Variants in FNDC1 observed in about 807,000 individuals in gnomAD.
FNDC1 encodes fibronectin type III domain containing 1, also known as fibronectin type III domain-containing protein 1.
Under a neutral mutation model 168.0 loss-of-function variants are expected in FNDC1, and 96 were observed. The ratio of observed to expected loss-of-function variants is 0.57; its 90% confidence interval spans 0.48 to 0.68. FNDC1 has a LOEUF of 0.68. Among genes scored for constraint, FNDC1 ranks in the 30% least tolerant of loss-of-function variants. The pLI, the probability that FNDC1 is intolerant of heterozygous loss-of-function variation, is 0.00. For synonymous variants in FNDC1, 1,099 were observed against 1,025.9 expected (o/e 1.07, Z -1.36); for missense variants, 2,587 against 2,482.1 (o/e 1.04, Z -0.90).
intron 5 of FNDC1, among the ~76,000 whole-genome samples, chr6:159,217,746 G>A (rs1477152657): frequency 1.3e-5 from 2 of 152,168 alleles, no homozygotes; most frequent in Non-Finnish European, 2.9e-5. Context: ...CCAGCCCAGC[G>A]TATGGACTCC....
chr6:159,211,550 A>C (rs896892847), intron 4 of FNDC1, among the ~76,000 whole-genome samples: 2 of 152,062 alleles, frequency 1.3e-5, no homozygotes, highest in Non-Finnish European at 2.9e-5. Flanking sequence ...TTTTGCTCAC[A>C]TTTGGTTCTT....
chr6:159,264,161 T>G (rs1463782524), intron 19 of FNDC1, among the ~76,000 whole-genome samples: 1 of 152,220 alleles, frequency 6.6e-6, no homozygotes, highest in South Asian at 2.1e-4. Flanking sequence ...CATGAAGCCA[T>G]TGTCACTGTC....
Position 159,238,608 on chromosome 6 carries a change from G to C in FNDC1, c.4123G>C (p.Asp1375His), listed in dbSNP as rs1435110246. ...VLNAEGRYLQ[D>H]SHGNPLRIKL... ...GAATGCAGAAGGAAGGTACCTCCAA[G>C]ATTCACATGGAAATCCTCTTCGGAT... The change falls in exon 13 of 23, where the codon GAT becomes CAT. Residue 1375 changes from aspartate to histidine, a missense_variant. Asp to His is a moderately conservative substitution (Grantham distance 81). Coordinates refer to ENST00000297267, the MANE Select transcript of FNDC1 (RefSeq NM_032532.3). The C allele has an allele frequency of 6.2e-7, 1 of 1,611,630 alleles. No individual in the cohort carries two copies. Among genetic ancestry groups the C allele is most frequent in the African/African-American group, 1.3e-5 (1 of 74,922 alleles).
chr6:159,189,544 G>C (rs965530770), intron 1 of FNDC1, among the ~76,000 whole-genome samples: 1 of 152,186 alleles, frequency 6.6e-6, no homozygotes, highest in African/African-American at 2.4e-5. Context: ...AGGCAAGCAG[G>C]ACGCTTTGGA....
intron 17 of FNDC1, among the ~76,000 whole-genome samples, chr6:159,255,826 C>T (rs148567085): frequency 1.6e-4 from 25 of 152,310 alleles, no homozygotes; most frequent in Non-Finnish European, 2.2e-4. Flanking sequence ...ATATGGGATG[C>T]GCTGAGCTGT....
intron 1 of FNDC1, among the ~76,000 whole-genome samples, chr6:159,187,404 A>G (rs920658896): frequency 1.3e-5 from 2 of 152,072 alleles, no homozygotes; most frequent in African/African-American, 4.8e-5. Context: ...TCCATTCCCT[A>G]GTGTGTTTTA....
chr6:159,251,259 A>G, intron 16 of FNDC1, 43 bp from the exon 17 acceptor site: 1 of 1,483,106 alleles, frequency 6.7e-7, no homozygotes, highest in South Asian at 1.2e-5. Context: ...GCCTCCAGAA[A>G]AAGCCTCCAG....
Position 159,169,762 on chromosome 6 carries a change from C to A in FNDC1, c.109+57C>A. 2.9e-6 allele frequency: 2 copies of A among 693,246 alleles called. No individual in the cohort carries two copies. Among genetic ancestry groups the A allele is most frequent in the Non-Finnish European group, 3.8e-6 (2 of 525,066 alleles). The allele number at this position is 693,246 out of a possible 1,614,324, so 42.9% of individuals were successfully genotyped here. A position where few individuals can be genotyped will look rare whatever the true frequency, so the allele number is the denominator to read the frequency against. ...TCAGCTCCCCGCGCACCCTCCTGCG[C>A]TCGGGCCCCGTCGTCCCGCTCAGTG... On this transcript the variant is annotated intron_variant, in intron 1 of 22. Coordinates refer to ENST00000297267, the MANE Select transcript of FNDC1 (RefSeq NM_032532.3). The surrounding 1 kb of genome is among the most constrained non-coding windows in gnomAD (Gnocchi z 6.8).
intron 1 of FNDC1, among the ~76,000 whole-genome samples, chr6:159,181,027 T>C (rs1198897586): frequency 6.6e-6 from 1 of 152,172 alleles, no homozygotes; most frequent in African/African-American, 2.4e-5. Flanking sequence ...AAATGGTATT[T>C]CCAGTTTTAA....
At position 159,269,058 on chromosome 6, in the gene FNDC1, G is replaced by GTCTATCTA. The variant is rs201260395; in HGVS notation, c.5569+1167_5569+1174dup. Among the ~76,000 whole-genome samples the GTCTATCTA allele has an allele frequency of 3.2e-3, 438 of 137,040 alleles. 2 individuals are homozygous for GTCTATCTA. The highest frequency in any genetic ancestry group is 5.4e-3 in the African/African-American group (205 of 38,142). The allele number at this position is 137,040 out of a possible 152,430, so 89.9% of individuals were successfully genotyped here. A position where few individuals can be genotyped will look rare whatever the true frequency, so the allele number is the denominator to read the frequency against. On this transcript the variant is annotated intron_variant, in intron 22 of 22. Transcript: ENST00000297267. ...CCCACCTCTAGGTATCTATCTATCT[G>GTCTATCTA]TCTATCTATCTATCTATCTATCTAT...
intron 10 of FNDC1, among the ~76,000 whole-genome samples, chr6:159,231,051 G>T: frequency 6.6e-6 from 1 of 152,172 alleles, no homozygotes. Flanking sequence ...ACATGCTATG[G>T]GAAGAGGGAA....
rs887391252 is a variant in FNDC1 at position 159,225,473 on chromosome 6, G to C, written c.885-62G>C. 169 of 1,321,218 alleles carry C rather than the reference G, an allele frequency of 1.3e-4. No individual in the cohort carries two copies. In the African/African-American group the frequency reaches 2.3e-3, roughly 18 times the overall value. The allele number at this position is 1,321,218 out of a possible 1,614,324, so 81.8% of individuals were successfully genotyped here. A position where few individuals can be genotyped will look rare whatever the true frequency, so the allele number is the denominator to read the frequency against. On this transcript the variant is annotated intron_variant, in intron 7 of 22. Transcript: ENST00000297267. Reference sequence around the variant, plus strand: ...TCACTTATGAGGAAGGAAAAACAGCGAGGCATCTAGTGTTGAGTGGCAGAG... The same window carrying C: ...TCACTTATGAGGAAGGAAAAACAGCCAGGCATCTAGTGTTGAGTGGCAGAG...
At chr6:159,271,124 G>A (rs556640011) in intron 22 of FNDC1, among the ~76,000 whole-genome samples, 1 of 152,294 alleles carries the variant, frequency 6.6e-6, no homozygotes, top group South Asian at 2.1e-4. Flanking sequence ...CCCAGGCTGG[G>A]GTTGGGGCTG....
rs1020433877 is a variant in FNDC1 at position 159,223,610 on chromosome 6, T to A, written c.849T>A (p.Pro283=). 11 of 1,613,278 alleles carry A rather than the reference T, an allele frequency of 6.8e-6. No homozygotes were observed. Among genetic ancestry groups the A allele is most frequent in the South Asian group, 1.1e-5 (1 of 90,982 alleles). ...SQSVLVSWVD[P]VLEKQKKVVA... ...CTGTGCTTGTGTCCTGGGTGGATCC[T>A]GTTCTGGAAAAACAGAAGAAAGTTG... The change falls in exon 7 of 23, where the codon CCT becomes CCA. Residue 283 remains proline (P), a synonymous_variant. Transcript: ENST00000297267.
chr6:159,271,616 C>T lies in FNDC1; in HGVS notation c.*174C>T, dbSNP rs1230190570. On this transcript the variant is annotated 3_prime_UTR_variant, in exon 23 of 23. Transcript: ENST00000297267. ...CTCAGTCTGGAACTCAGTCCCACTT[C>T]TTGGCCTGGACAATGAACAGGATTC... is the stretch of plus-strand genomic sequence containing the variant. 10 of 571,174 alleles carry T rather than the reference C, an allele frequency of 1.8e-5. No homozygotes were observed. Among genetic ancestry groups the T allele is most frequent in the Non-Finnish European group, 3.2e-5 (10 of 312,848 alleles). The allele number at this position is 571,174 out of a possible 1,614,324, so 35.4% of individuals were successfully genotyped here. A position where few individuals can be genotyped will look rare whatever the true frequency, so the allele number is the denominator to read the frequency against.
At chr6:159,250,252 T>A (rs188403) in intron 16 of FNDC1, among the ~76,000 whole-genome samples, 96,231 of 152,144 alleles carry the variant, frequency 0.63, 31,965 homozygotes, top group Middle Eastern at 0.74. Flanking sequence ...AGCTTCAGAC[T>A]AATTTTTGGA....
intron 21 of FNDC1, among the ~76,000 whole-genome samples, chr6:159,266,585 A>C (rs1185995504): frequency 1.3e-5 from 2 of 152,150 alleles, no homozygotes; most frequent in Non-Finnish European, 2.9e-5. Flanking sequence ...CTCTACTAAA[A>C]AGAAATAAAA....
At chr6:159,269,122 A>G (rs1179112946) in intron 22 of FNDC1, among the ~76,000 whole-genome samples, 1 of 151,558 alleles carries the variant, frequency 6.6e-6, no homozygotes, top group Non-Finnish European at 1.5e-5. Flanking sequence ...CTAGGTATCC[A>G]TCCATCTGTC....
At chr6:159,206,025 T>G (rs980650343) in intron 4 of FNDC1, among the ~76,000 whole-genome samples, 4 of 152,234 alleles carry the variant, frequency 2.6e-5, no homozygotes, top group Admixed American at 2.6e-4. Context: ...TTTGCAATGG[T>G]GGAATTCTGC....
Sources: gnomAD v4.1 joint callset for allele counts (sites outside exome capture counted in the v4.1 genomes callset) on GRCh38, gnomAD v4.1.1 for gene constraint, Gnocchi (gnomAD v3.1) non-coding constraint, MANE v1.5 for transcripts, NCBI Gene and HGNC (gene_info 2026-07-23, HGNC 2026-07-21) for gene names.